Variants in TMEM132D observed in about 807,000 individuals in gnomAD.
The protein encoded by TMEM132D is transmembrane protein 132D.
In TMEM132D, 21 loss-of-function variants were observed where a neutral mutation model predicts 62.3. The ratio of observed to expected loss-of-function variants is 0.34; its 90% CI spans 0.24 to 0.49. The LOEUF (loss-of-function observed/expected upper bound fraction) is 0.49, where lower values mean the gene tolerates loss of function less well. Ranked by LOEUF, TMEM132D falls within the 20% of genes least tolerant of loss-of-function variation. The probability of loss-of-function intolerance (pLI) is 0.99; values close to 1 mark genes in which losing one functional copy is unlikely to be tolerated. For missense variants in TMEM132D, 1,346 were observed against 1,402.8 expected (o/e 0.96, Z 0.65); for synonymous variants, 621 against 575.6 (o/e 1.08, Z -1.13).
intron 1 of TMEM132D, among the ~76,000 whole-genome samples, chr12:129,889,651 T>C (rs1346678175): frequency 6.6e-6 from 1 of 152,224 alleles, no homozygotes; most frequent in East Asian, 1.9e-4. Flanking sequence ...GACATTATCT[T>C]ATAGTTTGCT....
intron 3 of TMEM132D, among the ~76,000 whole-genome samples, chr12:129,376,523 A>T: frequency 6.6e-6 from 1 of 152,152 alleles, no homozygotes; most frequent in Non-Finnish European, 1.5e-5. Flanking sequence ...ATTATGGGAG[A>T]CACAATTCAA....
intron 1 of TMEM132D, among the ~76,000 whole-genome samples, chr12:129,834,684 C>T (rs954113623): frequency 2.0e-5 from 3 of 152,120 alleles, no homozygotes; most frequent in Non-Finnish European, 4.4e-5. Context: ...AGGCATCAGG[C>T]GGCAGGGCTC....
intron 1 of TMEM132D, among the ~76,000 whole-genome samples, chr12:129,872,630 C>T (rs1874285766): frequency 6.6e-6 from 1 of 152,216 alleles, no homozygotes; most frequent in Admixed American, 6.5e-5. Context: ...CTGTGTCTAT[C>T]TGAAAGCCAC....
At chr12:129,722,629 T>G (rs913794577) in intron 1 of TMEM132D, among the ~76,000 whole-genome samples, 7 of 152,156 alleles carry the variant, frequency 4.6e-5, no homozygotes, top group Non-Finnish European at 8.8e-5. Context: ...TCAAACCTGC[T>G]GGGTCCCCAA....
chr12:129,847,676 T>C (rs1873405371), intron 1 of TMEM132D, among the ~76,000 whole-genome samples: 1 of 152,158 alleles, frequency 6.6e-6, no homozygotes, highest in Non-Finnish European at 1.5e-5. Flanking sequence ...CCTTGCTCTA[T>C]GACCGCTTTG....
rs531012984 is a variant in TMEM132D at position 129,100,999 on chromosome 12, G to A, written c.1444-16297C>T. On this transcript the variant is annotated intron_variant, in intron 5 of 8. Coordinates refer to ENST00000422113, the MANE Select transcript of TMEM132D (RefSeq NM_133448.3). ...TGCAGTGCCAGTCAAGGCAGGGATC[G>A]AAGCTCTGTGGCACCAGTTGATGGC... Among the ~76,000 whole-genome samples the A allele has an allele frequency of 7.9e-5, 12 of 152,100 alleles. No individual in the cohort carries two copies. In the South Asian group the frequency reaches 1.7e-3, roughly 21 times the overall value.
At chr12:129,288,111 T>C (rs1403665045) in intron 4 of TMEM132D, among the ~76,000 whole-genome samples, 2 of 152,176 alleles carry the variant, frequency 1.3e-5, no homozygotes, top group African/African-American at 4.8e-5. Context: ...TCGTGCACCA[T>C]GCACAACAAC....
rs114506747 is a variant in TMEM132D, at chr12:129,281,292, C to A, written c.1299+56342G>T. Among the ~76,000 whole-genome samples, 239 of 152,246 alleles carry A rather than the reference C, an allele frequency of 1.6e-3. 1 individual carries two copies. The highest frequency in any genetic ancestry group is 5.4e-3 in the African/African-American group (223 of 41,558). ...CCCACTTCAGATTTATAGTCTTAAC[C>A]AGGAAGGTGTCATTTGTAACCTCCA... On this transcript the variant is annotated intron_variant, in intron 4 of 8. Coordinates refer to ENST00000422113, the MANE Select transcript of TMEM132D (RefSeq NM_133448.3).
intron 3 of TMEM132D, among the ~76,000 whole-genome samples, chr12:129,411,786 C>T (rs1461485610): frequency 6.6e-6 from 1 of 152,212 alleles, no homozygotes; most frequent in Non-Finnish European, 1.5e-5. Flanking sequence ...ATCATCATCT[C>T]GCTTTCATCG....
chr12:129,847,276 A>AT (rs1410963409), intron 1 of TMEM132D, among the ~76,000 whole-genome samples: 1 of 152,158 alleles, frequency 6.6e-6, no homozygotes, highest in East Asian at 1.9e-4. Flanking sequence ...GGTCAACGTT[A>AT]TTATGAGTTG....
At chr12:129,551,418 C>T (rs1437167028) in intron 2 of TMEM132D, among the ~76,000 whole-genome samples, 1 of 152,186 alleles carries the variant, frequency 6.6e-6, no homozygotes, top group Non-Finnish European at 1.5e-5. Flanking sequence ...TCTTGGGAGT[C>T]ATTAAATAGC....
chr12:129,729,145 TG>T, intron 1 of TMEM132D, among the ~76,000 whole-genome samples: 1 of 152,342 alleles, frequency 6.6e-6, no homozygotes, highest in African/African-American at 2.4e-5. Flanking sequence ...CTCACTAATT[TG>T]CCACAGTCTC....
At chr12:129,103,965 C>T (rs561934996) in intron 5 of TMEM132D, among the ~76,000 whole-genome samples, 60 of 152,212 alleles carry the variant, frequency 3.9e-4, no homozygotes, top group Non-Finnish European at 7.2e-4. Context: ...GGCCATACTG[C>T]CCAAGGTAAT....
At chr12:129,299,484 T>C (rs1219964829) in intron 4 of TMEM132D, among the ~76,000 whole-genome samples, 1 of 152,022 alleles carries the variant, frequency 6.6e-6, no homozygotes, top group African/African-American at 2.4e-5. Context: ...TTAATTGATT[T>C]TCTCCAAAGC....
At chr12:129,323,997 A>G (rs1420334454) in intron 4 of TMEM132D, among the ~76,000 whole-genome samples, 1 of 152,024 alleles carries the variant, frequency 6.6e-6, no homozygotes, top group Non-Finnish European at 1.5e-5. Flanking sequence ...CCATATAACC[A>G]TATCTGTCCT....
At chr12:129,572,005 G>A (rs1279991218) in intron 2 of TMEM132D, among the ~76,000 whole-genome samples, 1 of 152,142 alleles carries the variant, frequency 6.6e-6, no homozygotes, top group Non-Finnish European at 1.5e-5. Context: ...TGCCATGCAT[G>A]CTAACGGGCT....
At chr12:129,414,143 T>C (rs1297394153) in intron 3 of TMEM132D, among the ~76,000 whole-genome samples, 2 of 152,240 alleles carry the variant, frequency 1.3e-5, no homozygotes, top group African/African-American at 2.4e-5. Flanking sequence ...TGTGTTATTC[T>C]TTCTCTCAAC....
chr12:129,183,242 T>C (rs941914894), intron 5 of TMEM132D, among the ~76,000 whole-genome samples: 3 of 152,230 alleles, frequency 2.0e-5, no homozygotes, highest in Admixed American at 1.3e-4. Context: ...AGTAACAGTC[T>C]ACCATACCAG....
chr12:129,505,446 T>C (rs979084984), intron 3 of TMEM132D, among the ~76,000 whole-genome samples: 16 of 152,122 alleles, frequency 1.1e-4, no homozygotes, highest in Non-Finnish European at 1.8e-4. Context: ...GGTTTCGCCA[T>C]GTTAGCCAGG....
Sources: gnomAD v4.1 joint callset for allele counts (sites outside exome capture counted in the v4.1 genomes callset) on GRCh38, gnomAD v4.1.1 for gene constraint, MANE v1.5 for transcripts, NCBI Gene and HGNC (gene_info 2026-07-23, HGNC 2026-07-21) for gene names.